The following LOC128462377 variants were observed in gnomAD, a reference collection of about 807,000 sequenced individuals.
the LOC128462377 span, among the ~76,000 whole-genome samples, chr16:89,342,991 G>C: frequency 6.6e-6 from 1 of 152,162 alleles, no homozygotes; most frequent in African/African-American, 2.4e-5. Flanking sequence ...TAAAGACTAT[G>C]TACTCATGTC....
At chr16:89,325,997 G>T in the LOC128462377 span, among the ~76,000 whole-genome samples, 1 of 152,204 alleles carries the variant, frequency 6.6e-6, no homozygotes, top group African/African-American at 2.4e-5. Flanking sequence ...ACCCACTGCA[G>T]AGTGCAACAG....
the LOC128462377 span, chr16:89,392,536 G>GC: frequency 6.6e-6 from 1 of 152,038 alleles, no homozygotes; most frequent in African/African-American, 2.4e-5. Flanking sequence ...GCACTGTGAT[G>GC]CCACGCTGAG....
the LOC128462377 span, among the ~76,000 whole-genome samples, chr16:89,335,086 C>A: frequency 6.6e-6 from 1 of 152,190 alleles, no homozygotes; most frequent in Non-Finnish European, 1.5e-5. Flanking sequence ...AAACGACTAA[C>A]ACTGATTGCT....
At chr16:89,352,810 G>A in the LOC128462377 span, among the ~76,000 whole-genome samples, 1 of 152,168 alleles carries the variant, frequency 6.6e-6, no homozygotes, top group African/African-American at 2.4e-5. Context: ...CCTTCAAGAT[G>A]ACCACATGGG....
At chr16:89,408,662 C>T in the LOC128462377 span, among the ~76,000 whole-genome samples, 1 of 152,164 alleles carries the variant, frequency 6.6e-6, no homozygotes, top group Non-Finnish European at 1.5e-5. Flanking sequence ...CCTCGCACCC[C>T]CTGCCACCCT....
the LOC128462377 span, among the ~76,000 whole-genome samples, chr16:89,378,746 A>G: frequency 6.6e-6 from 1 of 152,052 alleles, no homozygotes; most frequent in Non-Finnish European, 1.5e-5. Context: ...TGCCTGGCTA[A>G]TTTTTTGTCT....
chr16:89,385,428 A>C, the LOC128462377 span, among the ~76,000 whole-genome samples: 1 of 152,128 alleles, frequency 6.6e-6, no homozygotes, highest in African/African-American at 2.4e-5. Flanking sequence ...CGGACCCAGC[A>C]GACAGAAATG....
chr16:89,405,713 C>G, the LOC128462377 span, among the ~76,000 whole-genome samples: 1 of 152,020 alleles, frequency 6.6e-6, no homozygotes, highest in Admixed American at 6.5e-5. Flanking sequence ...GGAAATGCAC[C>G]AAAGCGTCCT....
the LOC128462377 span, chr16:89,361,551 C>G: frequency 6.6e-6 from 1 of 152,244 alleles, no homozygotes; most frequent in African/African-American, 2.4e-5. Context: ...ACAGAATCAG[C>G]AGAGGAACAT....
At chr16:89,387,547 C>A in the LOC128462377 span, among the ~76,000 whole-genome samples, 1 of 150,832 alleles carries the variant, frequency 6.6e-6, no homozygotes, top group South Asian at 2.1e-4. Flanking sequence ...GTGGCGGGCG[C>A]CTGTACTCCC....
chr16:89,395,472 TTCTGTGAGCA>T, the LOC128462377 span, among the ~76,000 whole-genome samples: 57 of 152,336 alleles, frequency 3.7e-4, no homozygotes, highest in South Asian at 4.1e-4. Context: ...CACGTGCTGC[TTCTGTGAGCA>T]TGCGCCCAGG....
chr16:89,344,878 C>A, the LOC128462377 span, among the ~76,000 whole-genome samples: 3 of 152,186 alleles, frequency 2.0e-5, no homozygotes, highest in Non-Finnish European at 1.5e-5. Flanking sequence ...TTCAAGAGAA[C>A]CTCAAACTGT....
At chr16:89,392,384 ATAAGGGAGTT>A in the LOC128462377 span, 2 of 152,404 alleles carry the variant, frequency 1.3e-5, no homozygotes, top group Non-Finnish European at 2.9e-5. Context: ...CATTACCTGT[ATAAGGGAGTT>A]TAAGTTAGAT....
chr16:89,384,760 G>A, the LOC128462377 span, among the ~76,000 whole-genome samples: 1 of 151,712 alleles, frequency 6.6e-6, no homozygotes, highest in African/African-American at 2.4e-5. Context: ...TTGGCAACCT[G>A]TATTTAGCAC....
chr16:89,330,672 GGGGC>G, the LOC128462377 span, among the ~76,000 whole-genome samples: 102 of 45,870 alleles, frequency 2.2e-3, no homozygotes, highest in Non-Finnish European at 4.3e-3. Flanking sequence ...GGGGGGGGGG[GGGGC>G]GGGGGCGGAG....
At chr16:89,405,024 C>T in the LOC128462377 span, among the ~76,000 whole-genome samples, 1 of 152,114 alleles carries the variant, frequency 6.6e-6, no homozygotes, top group Non-Finnish European at 1.5e-5. Context: ...CTTCTCCTCT[C>T]CCATCCCACC....
the LOC128462377 span, among the ~76,000 whole-genome samples, chr16:89,321,743 A>C: frequency 6.6e-6 from 1 of 152,178 alleles, no homozygotes; most frequent in South Asian, 2.1e-4. Flanking sequence ...TTCACCTTCA[A>C]TAAAGGGATG....
At chr16:89,410,807 T>C in the LOC128462377 span, among the ~76,000 whole-genome samples, 2 of 152,200 alleles carry the variant, frequency 1.3e-5, no homozygotes, top group African/African-American at 2.4e-5. Context: ...TCTAAGCCCA[T>C]GGGAAGCTTA....
the LOC128462377 span, among the ~76,000 whole-genome samples, chr16:89,373,875 T>G: frequency 6.6e-6 from 1 of 152,216 alleles, no homozygotes; most frequent in Non-Finnish European, 1.5e-5. Flanking sequence ...TAATTGCACT[T>G]GACACAGAGG....
Sources: allele counts gnomAD v4.1 joint callset (sites outside exome capture counted in the v4.1 genomes callset), GRCh38; gene constraint gnomAD v4.1.1; transcripts MANE v1.5.